The following TBX6 variants were observed in gnomAD, a reference collection of about 807,000 sequenced individuals.
The protein encoded by TBX6 is T-box transcription factor 6, also known as T-box transcription factor TBX6.
A neutral mutation model predicts 42.3 loss-of-function variants in TBX6; 29 were observed. The ratio of observed to expected loss-of-function variants is 0.69; its 90% CI spans 0.51 to 0.93. The LOEUF (loss-of-function observed/expected upper bound fraction) is 0.93, where lower values mean the gene tolerates loss of function less well. Among genes scored for constraint, TBX6 ranks in the 40% least tolerant of loss-of-function variants. The probability of loss-of-function intolerance (pLI) is 0.00; values close to 1 mark genes in which losing one functional copy is unlikely to be tolerated. For missense variants in TBX6, 569 were observed against 603.3 expected, an observed-to-expected ratio of 0.94 and a Z score of 0.59; for synonymous variants, 249 against 245.1, an observed-to-expected ratio of 1.02 and a Z score of -0.15.
chr16:30,088,762 C>A lies in TBX6; in HGVS notation c.699G>T (p.Trp233Cys), dbSNP rs61738521. 6.2e-7 allele frequency: 1 copy of A among 1,614,046 alleles called. No homozygotes were observed. Among genetic ancestry groups the A allele is most frequent in the Admixed American group, 1.7e-5 (1 of 60,022 alleles). ...GGAAGCGGAAGGAGGCCATGCCCCC[C>A]CAGTGCTGGCTGCAGAGCTGGGCTG... ...VRAAQLCSQH[W>C]GGMASFRFPE... Residue 233 changes from tryptophan (W) to cysteine (C), a missense_variant, in exon 5 of 9, where the codon TGG (tryptophan) becomes TGT (cysteine). Trp to Cys is a radical substitution (Grantham distance 215). Around this residue, in one of 3 missense-constraint regions of TBX6, gnomAD observed 190 missense variants for 250.6 expected, o/e 0.76. Transcript: ENST00000395224. This position sits in a 1 kb window ranked among gnomAD's most constrained non-coding sequence, Gnocchi z 4.1.
intron 1 of TBX6, 138 bp from the exon 2 acceptor site, chr16:30,091,379 A>G: frequency 1.7e-6 from 1 of 572,072 alleles, no homozygotes; most frequent in Non-Finnish European, 3.0e-6. Flanking sequence ...AGGGGGTCGG[A>G]TACCTGGGTA....
At position 30,088,883 on chromosome 16, in the gene TBX6, C is replaced by T. The variant is rs770670197; in HGVS notation, c.622-44G>A. 1 of 1,605,302 alleles carries T rather than the reference C, an allele frequency of 6.2e-7. No individual in the cohort carries two copies. The highest frequency in any genetic ancestry group is 8.5e-7 in the Non-Finnish European group (1 of 1,173,512). On this transcript the variant is annotated intron_variant, in intron 4 of 8. Transcript: ENST00000395224. This position sits in a 1 kb window ranked among gnomAD's most constrained non-coding sequence, Gnocchi z 4.1. The stretch of plus-strand genomic sequence containing the variant: ...GAGTGATTCCCTGCCCTGCGCCTCA[C>T]CCTTGGCCTCCCTTCCAGCACCCCC...
At position 30,086,716 on chromosome 16, in the gene TBX6, G is replaced by C. The variant is rs751766680; in HGVS notation, c.914-21C>G. ...TGTGTCTGGGGAGAGGGAAGGGAGA[G>C]GTTGGGCTAGGGAGGATCCCTGTCT... On this transcript the variant is annotated intron_variant, in intron 7 of 8. Transcript: ENST00000395224. This position sits in a 1 kb window ranked among gnomAD's most constrained non-coding sequence, Gnocchi z 4.6. The C allele has an allele frequency of 1.2e-6, 2 of 1,612,830 alleles. No homozygotes were observed. Among genetic ancestry groups the C allele is most frequent in the African/African-American group, 2.7e-5 (2 of 74,978 alleles).
At position 30,091,105 on chromosome 16, in the gene TBX6, G is replaced by A. The variant is rs1393293553; in HGVS notation, c.89C>T (p.Pro30Leu). ...AQPGADSSFP[P>L]ALAEGYRYPE... ...GTAGCGGTAGCCCTCCGCTAGGGCGGGTGGGAAGCTGGAGTCGGCCCCAGG... is the reference window on the plus strand; with the variant it reads ...GTAGCGGTAGCCCTCCGCTAGGGCGAGTGGGAAGCTGGAGTCGGCCCCAGG... Residue 30 changes from proline (P) to leucine (L), a missense_variant, in exon 2 of 9, where the codon CCC becomes CTC. Pro to Leu is a moderately conservative substitution (Grantham distance 98). Transcript: ENST00000395224. The A allele has an allele frequency of 6.3e-7, 1 of 1,586,094 alleles. No individual in the cohort carries two copies. Among genetic ancestry groups the A allele is most frequent in the Non-Finnish European group, 8.6e-7 (1 of 1,167,158 alleles).
chr16:30,091,062 G>A lies in TBX6; in HGVS notation c.118+14C>T. 1.9e-6 allele frequency: 3 copies of A among 1,587,202 alleles called. No homozygotes were observed. The highest frequency in any genetic ancestry group is 2.6e-6 in the Non-Finnish European group (3 of 1,167,020). On this transcript the variant is annotated intron_variant, in intron 2 of 8. Coordinates refer to ENST00000395224, the MANE Select transcript of TBX6 (RefSeq NM_004608.4). ...CCCCTATTCTCCTACCCAGGAGCTG[G>A]TCCCAACGCTCACCGGGGTAGCGGT... is the stretch of plus-strand genomic sequence containing the variant.
Position 30,088,732 on chromosome 16 carries a change from C to G in TBX6, c.729G>C (p.Glu243Asp). 6.2e-7 allele frequency: 1 copy of G among 1,614,064 alleles called. No individual in the cohort carries two copies. Among genetic ancestry groups the G allele is most frequent in the South Asian group, 1.1e-5 (1 of 91,078 alleles). The change falls in exon 5 of 9, where the codon GAG becomes GAC. Residue 243 changes from glutamate (E) to aspartate (D), a missense_variant. By Grantham distance (45) the Glu-to-Asp change is conservative. This residue lies in a region of TBX6 where 190 missense variants were observed against 250.6 expected (regional missense o/e 0.76). Transcript: ENST00000395224. This position sits in a 1 kb window ranked among gnomAD's most constrained non-coding sequence, Gnocchi z 4.1. The part of the protein sequence containing the change: ...WGGMASFRFP[E>D]TTFISVTAYQ... The stretch of plus-strand genomic sequence containing the variant: ...AGGCTGTCACGGAGATGAATGTGGT[C>G]TCGGGGAAGCGGAAGGAGGCCATGC...
At chr16:30,087,632 C>G (rs1178844215) in intron 6 of TBX6, among the ~76,000 whole-genome samples, 2 of 152,226 alleles carry the variant, frequency 1.3e-5, no homozygotes, top group Non-Finnish European at 2.9e-5. Flanking sequence ...CCGACATAAC[C>G]TGGCTTCCCC....
In TBX6 at chr16:30,089,161, C is replaced by T. The variant is rs775987107; in HGVS notation, c.403G>A (p.Ala135Thr). 3.7e-6 allele frequency: 6 copies of T among 1,614,102 alleles called. No homozygotes were observed. The South Asian group carries it at 4.4e-5, about 12-fold the overall frequency. Residue 135 changes from alanine (A) to threonine (T), a missense_variant, in exon 4 of 9, where the codon GCC becomes ACC. Transcript: ENST00000395224. The part of the protein sequence containing the change: ...RVSVTGLDPE[A>T]RYLFLLDVIP... The stretch of plus-strand genomic sequence containing the variant: ...ACATCCAGAAGAAACAAGTAGCGGG[C>T]CTCGGGGTCCAGGCCAGTGACTGAC...
At chr16:30,089,333 GA>G in intron 3 of TBX6, 123 bp from the exon 4 acceptor site, 1 of 1,308,896 alleles carries the variant, frequency 7.6e-7, no homozygotes, top group South Asian at 1.5e-5. Flanking sequence ...AAAGGAGGTG[GA>G]ATTAGAACCC....
At position 30,088,157 on chromosome 16, in the gene TBX6, C is replaced by T. The variant is rs955879054; in HGVS notation, c.839+388G>A. The T allele has an allele frequency of 5.8e-5, 15 of 259,884 alleles. No homozygotes were observed. The highest frequency in any genetic ancestry group is 5.6e-4 in the Admixed American group (11 of 19,532). The allele number at this position is 259,884 out of a possible 1,614,324, so 16.1% of individuals were successfully genotyped here. ...TTTCACCATGTTGGCAGGCTGGTCT[C>T]GAACTCCTGGCCTCAGGTGATCTGC... On this transcript the variant is annotated intron_variant, in intron 6 of 8. Transcript: ENST00000395224. The surrounding 1 kb of genome is among the most constrained non-coding windows in gnomAD (Gnocchi z 4.1).
intron 3 of TBX6, among the ~76,000 whole-genome samples, chr16:30,090,140 C>T (rs2072699788): frequency 6.6e-6 from 1 of 152,058 alleles, no homozygotes; most frequent in South Asian, 2.1e-4. Context: ...AGCTTCCTGT[C>T]CCCACCCTCC....
Position 30,088,996 on chromosome 16 carries a change from C to T in TBX6, c.568G>A (p.Val190Met), listed in dbSNP as rs752014732. Residue 190 changes from valine (V) to methionine (M), a missense_variant, in exon 4 of 9, where the codon GTG becomes ATG. Around this residue, in one of 3 missense-constraint regions of TBX6, gnomAD observed 190 missense variants for 250.6 expected, o/e 0.76. Coordinates refer to ENST00000395224, the MANE Select transcript of TBX6 (RefSeq NM_004608.4). This position sits in a 1 kb window ranked among gnomAD's most constrained non-coding sequence, Gnocchi z 4.1. ...GTGAGCTTGACACGATGGAAAGACA[C>T]AGGCTGCCGCATCCAATGTGCACCA... ...ATGAHWMRQPVSFHRVKLTNS... is the reference protein window; with the variant it reads ...ATGAHWMRQPMSFHRVKLTNS... 4 of 1,613,700 alleles carry T rather than the reference C, an allele frequency of 2.5e-6. No individual in the cohort carries two copies. The highest frequency in any genetic ancestry group is 3.4e-6 in the Non-Finnish European group (4 of 1,179,756).
chr16:30,091,050 A>T, intron 2 of TBX6, 26 bp downstream of exon 2: 3 of 1,589,722 alleles, frequency 1.9e-6, no homozygotes, highest in South Asian at 1.1e-5. Flanking sequence ...CTATTCTCCT[A>T]CCCAGGAGCT....
rs748483132 is a variant in TBX6 at position 30,090,862 on chromosome 16, C to T, written c.249G>A (p.Glu83=). Residue 83 remains glutamate (E), a synonymous_variant, in exon 3 of 9, where the codon GAG becomes GAA. Transcript: ENST00000395224. ...MGTEPAPSAP[E]ALHSLPGVSL... ...TGACCCCCGGGAGGGAATGGAGGGC[C>T]TCTGGAGCTGATGGGGCCGGCTCAG... The T allele has an allele frequency of 4.4e-6, 7 of 1,607,150 alleles. No homozygotes were observed. The South Asian group carries it at 7.8e-5, about 18-fold the overall frequency.
In TBX6 at chr16:30,088,672, C is replaced by T. The variant is rs574861263; in HGVS notation, c.768+21G>A. 1.1e-5 allele frequency: 17 copies of T among 1,614,056 alleles called. No individual in the cohort carries two copies. In the South Asian group the frequency reaches 1.6e-4, roughly 16 times the overall value. ...GCGGTCTGGGCAGGGGGCCACCACC[C>T]CCTCAAGCAGGGTCACTCACCTGTG... On this transcript the variant is annotated intron_variant, in intron 5 of 8. Transcript: ENST00000395224. This position sits in a 1 kb window ranked among gnomAD's most constrained non-coding sequence, Gnocchi z 4.1.
intron 3 of TBX6, among the ~76,000 whole-genome samples, chr16:30,090,237 G>A (rs1411806964): frequency 6.6e-6 from 1 of 152,164 alleles, no homozygotes; most frequent in South Asian, 2.1e-4. Context: ...CAGTAGGGCC[G>A]AGGACTTTCC....
chr16:30,088,893 CCCTT>C lies in TBX6; in HGVS notation c.621+46_621+49del, dbSNP rs780884026. 2 of 1,604,078 alleles carry C rather than the reference CCCTT, an allele frequency of 1.2e-6. No individual in the cohort carries two copies. The highest frequency in any genetic ancestry group is 1.3e-5 in the African/African-American group (1 of 74,790). ...CTGCCCTGCGCCTCACCCTTGGCCT[CCCTT>C]CCAGCACCCCCCAACCCTATCCTGG... On this transcript the variant is annotated intron_variant, in intron 4 of 8. Coordinates refer to ENST00000395224, the MANE Select transcript of TBX6 (RefSeq NM_004608.4). The surrounding 1 kb of genome is among the most constrained non-coding windows in gnomAD (Gnocchi z 4.1).
rs12927492 is a variant in TBX6 at position 30,089,018 on chromosome 16, A to C, written c.546T>G (p.Gly182=). Residue 182 remains glycine (G), a synonymous_variant, in exon 4 of 9, where the codon GGT becomes GGG. Coordinates refer to ENST00000395224, the MANE Select transcript of TBX6 (RefSeq NM_004608.4). ...VYIHPDSPAT[G]AHWMRQPVSF... The stretch of plus-strand genomic sequence containing the variant: ...ACACAGGCTGCCGCATCCAATGTGC[A>C]CCAGTGGCAGGAGAGTCGGGGTGAA... 6.2e-7 allele frequency: 1 copy of C among 1,613,988 alleles called. No homozygotes were observed. The highest frequency in any genetic ancestry group is 8.5e-7 in the Non-Finnish European group (1 of 1,179,960).
rs143748514 is a variant in TBX6 at position 30,088,735 on chromosome 16, G to C, written c.726C>G (p.Pro242=). Residue 242 remains proline, a synonymous_variant, in exon 5 of 9, where the codon CCC becomes CCG. Coordinates refer to ENST00000395224, the MANE Select transcript of TBX6 (RefSeq NM_004608.4). This position sits in a 1 kb window ranked among gnomAD's most constrained non-coding sequence, Gnocchi z 4.1. ...CTGTCACGGAGATGAATGTGGTCTC[G>C]GGGAAGCGGAAGGAGGCCATGCCCC... is the stretch of plus-strand genomic sequence containing the variant. ...HWGGMASFRF[P]ETTFISVTAY... The C allele has an allele frequency of 1.9e-6, 3 of 1,614,068 alleles. No homozygotes were observed. Among genetic ancestry groups the C allele is most frequent in the Admixed American group, 1.7e-5 (1 of 60,024 alleles).
Sources: allele counts gnomAD v4.1 joint callset (sites outside exome capture counted in the v4.1 genomes callset), GRCh38; gene constraint gnomAD v4.1.1; regional missense constraint gnomAD v4.1.1; non-coding constraint Gnocchi (gnomAD v3.1); transcripts MANE v1.5; gene names NCBI Gene and HGNC (gene_info 2026-07-23, HGNC 2026-07-21).